Variants in ELOVL7 observed in about 807,000 individuals in gnomAD.
ELOVL7 encodes ELOVL fatty acid elongase 7.
ELOVL7 carries 27 observed loss-of-function variants against 35.7 expected under a neutral mutation model. The ratio of observed to expected loss-of-function variants is 0.76; its 90% CI spans 0.56 to 1.04. ELOVL7 has a LOEUF of 1.04. ELOVL7 is among the 50% of genes least tolerant of loss of function. The pLI is 0.00. For synonymous variants in ELOVL7, 113 were observed against 114.6 expected, an observed-to-expected ratio of 0.99 and a Z score of 0.09; for missense variants, 327 against 340.8, an observed-to-expected ratio of 0.96 and a Z score of 0.32.
intron 2 of ELOVL7, among the ~76,000 whole-genome samples, chr5:60,798,109 G>A (rs1237700007): frequency 2.0e-5 from 3 of 152,118 alleles, no homozygotes; most frequent in African/African-American, 7.2e-5. Flanking sequence ...TCCCTAAAAT[G>A]TATAAAACTA....
At chr5:60,796,015 C>G (rs1439255868) in intron 2 of ELOVL7, among the ~76,000 whole-genome samples, 2 of 152,220 alleles carry the variant, frequency 1.3e-5, no homozygotes, top group Non-Finnish European at 2.9e-5. Context: ...ATTGTATAGA[C>G]AGTCTCTCTC....
At chr5:60,832,777 G>A (rs1345260030) in intron 1 of ELOVL7, among the ~76,000 whole-genome samples, 2 of 152,118 alleles carry the variant, frequency 1.3e-5, no homozygotes, top group African/African-American at 2.4e-5. Flanking sequence ...TACTCAGGCA[G>A]TCACCTAATG....
chr5:60,812,491 G>T (rs1029236563), intron 1 of ELOVL7, among the ~76,000 whole-genome samples: 4 of 151,482 alleles, frequency 2.6e-5, no homozygotes, highest in African/African-American at 9.7e-5. Context: ...AAATTTAATT[G>T]GAAAAAAAAA....
chr5:60,780,114 C>CTTT (rs59345433), intron 3 of ELOVL7, among the ~76,000 whole-genome samples: 1 of 124,346 alleles, frequency 8.0e-6, no homozygotes. Context: ...CAAACTTTCC[C>CTTT]TTTTTTTTTT....
intron 1 of ELOVL7, among the ~76,000 whole-genome samples, chr5:60,831,767 A>G (rs1451921806): frequency 2.0e-5 from 3 of 152,216 alleles, no homozygotes; most frequent in Admixed American, 6.5e-5. Flanking sequence ...GACAAAAAGT[A>G]CCTTATATAT....
intron 2 of ELOVL7, among the ~76,000 whole-genome samples, chr5:60,796,344 T>G (rs912477045): frequency 6.6e-6 from 1 of 152,212 alleles, no homozygotes; most frequent in Non-Finnish European, 1.5e-5. Flanking sequence ...AAAGTAATTA[T>G]TTGTTTAAAG....
chr5:60,761,773 G>A (rs996349460), intron 7 of ELOVL7, among the ~76,000 whole-genome samples: 1 of 152,012 alleles, frequency 6.6e-6, no homozygotes, highest in Non-Finnish European at 1.5e-5. Context: ...AAAATATATC[G>A]TATAGAGTTC....
chr5:60,779,033 A>C (rs950667044), intron 3 of ELOVL7, among the ~76,000 whole-genome samples: 5 of 152,222 alleles, frequency 3.3e-5, no homozygotes, highest in African/African-American at 1.2e-4. Flanking sequence ...AATGCTCCAC[A>C]ATGATCACCT....
intron 7 of ELOVL7, 132 bp downstream of exon 7, chr5:60,764,095 T>C (rs1742085318): frequency 1.5e-6 from 1 of 677,656 alleles, no homozygotes; most frequent in Non-Finnish European, 2.6e-6. Flanking sequence ...TAATAATTAA[T>C]GAAATAAGTA....
chr5:60,790,788 G>A (rs1252021229), intron 2 of ELOVL7, among the ~76,000 whole-genome samples: 5 of 152,048 alleles, frequency 3.3e-5, no homozygotes, highest in Non-Finnish European at 7.4e-5. Flanking sequence ...TTCCTAATCT[G>A]TAAAATGGGA....
intron 2 of ELOVL7, among the ~76,000 whole-genome samples, chr5:60,794,676 A>T (rs1210666739): frequency 6.6e-6 from 1 of 152,230 alleles, no homozygotes; most frequent in East Asian, 1.9e-4. Flanking sequence ...GCATACCTTT[A>T]ATCCAGGAAC....
At chr5:60,757,470 C>G (rs1216953155) in intron 8 of ELOVL7, 39 bp downstream of exon 8, 1 of 1,599,144 alleles carries the variant, frequency 6.3e-7, no homozygotes, top group Non-Finnish European at 8.5e-7. Context: ...GTGACTCTAG[C>G]TGCTTCATAT....
chr5:60,823,083 C>A (rs963302044), intron 1 of ELOVL7, among the ~76,000 whole-genome samples: 4 of 152,072 alleles, frequency 2.6e-5, no homozygotes, highest in African/African-American at 9.7e-5. Flanking sequence ...CAAAATCAAG[C>A]TTTATTAGTC....
intron 1 of ELOVL7, among the ~76,000 whole-genome samples, chr5:60,818,301 G>C (rs1191188281): frequency 8.5e-6 from 1 of 118,266 alleles, no homozygotes; most frequent in Non-Finnish European, 1.6e-5. Flanking sequence ...CTGGGCAACA[G>C]AGTGAGGTTC....
At chr5:60,841,562 C>G (rs1254345811) in intron 1 of ELOVL7, among the ~76,000 whole-genome samples, 1 of 152,092 alleles carries the variant, frequency 6.6e-6, no homozygotes, top group Non-Finnish European at 1.5e-5. Context: ...CTCTTGGGAG[C>G]AGTCCAGGCC....
intron 7 of ELOVL7, among the ~76,000 whole-genome samples, chr5:60,758,805 G>A (rs748028036): frequency 5.3e-5 from 8 of 152,142 alleles, no homozygotes; most frequent in Non-Finnish European, 8.8e-5. Context: ...TTTATGTATA[G>A]CCTGACTCAG....
chr5:60,766,767 T>C (rs1584165511), intron 5 of ELOVL7, 137 bp from the exon 6 acceptor site: 4 of 659,442 alleles, frequency 6.1e-6, no homozygotes, highest in African/African-American at 1.9e-5. Flanking sequence ...TGGCATTAAG[T>C]ACCTTCACAC....
At chr5:60,769,043 C>G (rs1742417888) in intron 4 of ELOVL7, among the ~76,000 whole-genome samples, 1 of 152,180 alleles carries the variant, frequency 6.6e-6, no homozygotes, top group Non-Finnish European at 1.5e-5. Flanking sequence ...ACATTCTTTT[C>G]TGAGACTAGC....
At chr5:60,802,916 T>C (rs1446615968) in intron 1 of ELOVL7, among the ~76,000 whole-genome samples, 2 of 152,192 alleles carry the variant, frequency 1.3e-5, no homozygotes, top group Admixed American at 1.3e-4. Context: ...AGTCCAAAGA[T>C]ATGGCAGTTC....
Sources: gnomAD v4.1 joint callset for allele counts (sites outside exome capture counted in the v4.1 genomes callset) on GRCh38, gnomAD v4.1.1 for gene constraint, MANE v1.5 for transcripts, NCBI Gene and HGNC (gene_info 2026-07-23, HGNC 2026-07-21) for gene names.